The following KRAS variants were observed in gnomAD, a reference collection of about 807,000 sequenced individuals.
The protein encoded by KRAS is GTPase KRas.
In KRAS, 1 loss-of-function variant was observed where a neutral mutation model predicts 21.0. That is an observed-to-expected ratio of 0.05 (90% CI 0.02 to 0.23). The LOEUF is 0.23. Ranked by LOEUF, KRAS falls within the 10% of genes least tolerant of loss-of-function variation. The pLI, the probability that KRAS is intolerant of heterozygous loss-of-function variation, is 1.00. For synonymous variants in KRAS, 67 were observed against 72.5 expected (o/e 0.92, Z 0.39); for missense variants, 107 against 221.8 (o/e 0.48, Z 3.29).
chr12:25,212,444 G>T (rs1463029949), intron 4 of KRAS, among the ~76,000 whole-genome samples: 1 of 152,052 alleles, frequency 6.6e-6, no homozygotes, highest in Non-Finnish European at 1.5e-5. Flanking sequence ...AGTAATTTTG[G>T]CCCAGTGCAG....
chr12:25,244,009 T>TTTATAGTACCA (rs1405667045), intron 2 of KRAS, among the ~76,000 whole-genome samples: 2 of 152,202 alleles, frequency 1.3e-5, no homozygotes, highest in Non-Finnish European at 2.9e-5. Flanking sequence ...TCTCCACTTT[T>TTTATAGTACCA]TTATAGTACC....
chr12:25,245,899 A>G (rs1444760037), intron 1 of KRAS, among the ~76,000 whole-genome samples: 2 of 152,218 alleles, frequency 1.3e-5, no homozygotes, highest in African/African-American at 4.8e-5. Flanking sequence ...CTTTTAAAGC[A>G]TCATGGCAGT....
rs781779733 is a variant in KRAS, at chr12:25,207,918, G to C, written c.*1877C>G. 8.6e-6 allele frequency: 2 copies of C among 233,060 alleles called. No homozygotes were observed. The highest frequency in any genetic ancestry group is 1.1e-4 in the Admixed American group (2 of 17,772). The allele number at this position is 233,060 out of a possible 1,614,324, so 14.4% of individuals were successfully genotyped here. On this transcript the variant is annotated 3_prime_UTR_variant, in exon 5 of 5. Coordinates refer to ENST00000311936, the MANE Select transcript of KRAS (RefSeq NM_004985.5). ...ACAGCAGCAGTAAATCTTATGGTTAGGGGAATTACAAGTATTAAAACTGCA... is the reference window on the plus strand; with the variant it reads ...ACAGCAGCAGTAAATCTTATGGTTACGGGAATTACAAGTATTAAAACTGCA...
chr12:25,224,183 T>TAAAAAA (rs5797121), intron 4 of KRAS, among the ~76,000 whole-genome samples: 1 of 79,714 alleles, frequency 1.3e-5, no homozygotes, highest in African/African-American at 4.8e-5. Flanking sequence ...TCCTATTTAC[T>TAAAAAA]AAAAAAAAAA....
intron 3 of KRAS, among the ~76,000 whole-genome samples, chr12:25,227,029 C>T (rs992597881): frequency 1.3e-5 from 2 of 152,160 alleles, no homozygotes; most frequent in Non-Finnish European, 2.9e-5. Context: ...CCCAGCACCA[C>T]CACTACCGAT....
At chr12:25,229,649 G>T (rs1234627283) in intron 2 of KRAS, among the ~76,000 whole-genome samples, 6 of 152,102 alleles carry the variant, frequency 3.9e-5, no homozygotes, top group Non-Finnish European at 8.8e-5. Flanking sequence ...GTAAAGGGAT[G>T]TTACAATGTG....
chr12:25,234,739 T>C (rs773237147), intron 2 of KRAS: 1 of 190,880 alleles, frequency 5.2e-6, no homozygotes, highest in Non-Finnish European at 1.1e-5. Context: ...AACCAGAACA[T>C]CAAGTTTGTC....
At chr12:25,228,345 G>C (rs1592809202) in intron 2 of KRAS, among the ~76,000 whole-genome samples, 1 of 151,354 alleles carries the variant, frequency 6.6e-6, no homozygotes. Context: ...GAGGGATGCT[G>C]AACCAGTTAA....
chr12:25,219,109 T>C (rs1380758729), intron 4 of KRAS, among the ~76,000 whole-genome samples: 1 of 152,006 alleles, frequency 6.6e-6, no homozygotes, highest in Non-Finnish European at 1.5e-5. Flanking sequence ...CAGCTAATTT[T>C]TGTATTTTTA....
intron 2 of KRAS, among the ~76,000 whole-genome samples, chr12:25,244,544 A>G (rs1163159994): frequency 6.6e-6 from 1 of 152,154 alleles, no homozygotes. Context: ...GTTCTACTCC[A>G]TGACCTTCAA....
At chr12:25,247,588 C>T (rs1471726248) in intron 1 of KRAS, among the ~76,000 whole-genome samples, 2 of 152,208 alleles carry the variant, frequency 1.3e-5, no homozygotes, top group Admixed American at 6.5e-5. Flanking sequence ...CAACCTCCCC[C>T]CAACCAGTTT....
chr12:25,244,172 A>C (rs1951647043), intron 2 of KRAS, among the ~76,000 whole-genome samples: 1 of 152,170 alleles, frequency 6.6e-6, no homozygotes, highest in South Asian at 2.1e-4. Context: ...GTACGTTAAT[A>C]AGGCACTTTG....
intron 4 of KRAS, among the ~76,000 whole-genome samples, chr12:25,222,453 A>G (rs1406387725): frequency 6.6e-6 from 1 of 152,146 alleles, no homozygotes; most frequent in Non-Finnish European, 1.5e-5. Flanking sequence ...ATTTAATAAT[A>G]AAAGGAAATC....
chr12:25,220,569 A>G (rs1242568187), intron 4 of KRAS, among the ~76,000 whole-genome samples: 1 of 152,148 alleles, frequency 6.6e-6, no homozygotes, highest in South Asian at 2.1e-4. Context: ...TCTACTAAAA[A>G]TACAAAAATT....
intron 2 of KRAS, among the ~76,000 whole-genome samples, chr12:25,239,310 TTCTA>T (rs1317007620): frequency 2.0e-5 from 3 of 152,304 alleles, no homozygotes; most frequent in Admixed American, 2.0e-4. Flanking sequence ...TTCATTTGTC[TTCTA>T]TCTTTGTTAA....
In KRAS at chr12:25,228,928, G is replaced by A. The variant is rs140510307; in HGVS notation, c.112-1516C>T. On this transcript the variant is annotated intron_variant, in intron 2 of 4. Coordinates refer to ENST00000311936, the MANE Select transcript of KRAS (RefSeq NM_004985.5). Reference sequence around the variant, plus strand: ...CAAAATATTAGCCGGGCGTGGTGGCGGGCGCCTGTAGTCCCAGCTACTCAG... The same window carrying A: ...CAAAATATTAGCCGGGCGTGGTGGCAGGCGCCTGTAGTCCCAGCTACTCAG... Among the ~76,000 whole-genome samples, 452 of 152,126 alleles carry A rather than the reference G, an allele frequency of 3.0e-3. 9 individuals are homozygous for A. The East Asian group carries it at 0.072, about 24-fold the overall frequency.
chr12:25,246,087 TG>T (rs1477831934), intron 1 of KRAS, among the ~76,000 whole-genome samples: 1 of 145,110 alleles, frequency 6.9e-6, no homozygotes, highest in African/African-American at 2.6e-5. Context: ...AGTCCGAGGT[TG>T]CAATGAGCCG....
chr12:25,244,909 T>C (rs1183133459), intron 2 of KRAS, among the ~76,000 whole-genome samples: 1 of 152,150 alleles, frequency 6.6e-6, no homozygotes, highest in Non-Finnish European at 1.5e-5. Flanking sequence ...CTAGTACAAT[T>C]AAATCTAACC....
At chr12:25,215,425 A>C (rs755085771) in intron 4 of KRAS, 8 of 1,613,140 alleles carry the variant, frequency 5.0e-6, no homozygotes, top group African/African-American at 1.3e-5. Flanking sequence ...AATGTGCTGA[A>C]CTTAAACTTA....
Sources: allele counts gnomAD v4.1 joint callset (sites outside exome capture counted in the v4.1 genomes callset), GRCh38; gene constraint gnomAD v4.1.1; transcripts MANE v1.5; gene names NCBI Gene and HGNC (gene_info 2026-07-23, HGNC 2026-07-21).